Variants in DHX15 observed in about 807,000 individuals in gnomAD.
The protein encoded by DHX15 is DEAH-box helicase 15.
DHX15 carries 11 observed loss-of-function variants against 94.4 expected under a neutral mutation model. The observed-to-expected ratio is 0.12, with a 90% CI of 0.07 to 0.19. The LOEUF (loss-of-function observed/expected upper bound fraction) is 0.19, where lower values mean the gene tolerates loss of function less well. Among genes scored for constraint, DHX15 ranks in the 10% least tolerant of loss-of-function variants. The pLI is 1.00. For missense variants in DHX15, 304 were observed against 988.5 expected, an observed-to-expected ratio of 0.31 and a Z score of 9.29; for synonymous variants, 338 against 329.9, an observed-to-expected ratio of 1.02 and a Z score of -0.27.
intron 4 of DHX15, 33 bp downstream of exon 4, chr4:24,556,218 A>AT (rs987558782): frequency 1.1e-5 from 17 of 1,600,622 alleles, no homozygotes; most frequent in Non-Finnish European, 1.4e-5. Context: ...ATACACACAT[A>AT]TATAGTTAAA....
At chr4:24,575,967 C>A (rs1722257538) in intron 2 of DHX15, among the ~76,000 whole-genome samples, 1 of 152,142 alleles carries the variant, frequency 6.6e-6, no homozygotes, top group Non-Finnish European at 1.5e-5. Flanking sequence ...CTGTGGGTCC[C>A]TAAATCTGTA....
chr4:24,531,387 C>T lies in DHX15; in HGVS notation c.2100+1477G>A, dbSNP rs141029725. The stretch of plus-strand genomic sequence containing the variant: ...ACAGGCGTGAGCCACAGCGCCCGGC[C>T]AGTTTTTTTCTGAAATATAAAAAGC... On this transcript the variant is annotated intron_variant, in intron 12 of 13. Transcript: ENST00000336812. Among the ~76,000 whole-genome samples the T allele has an allele frequency of 1.8e-4, 27 of 152,102 alleles. No individual in the cohort carries two copies. In the East Asian group the frequency reaches 5.3e-3, roughly 30 times the overall value.
intron 4 of DHX15, 40 bp from the exon 5 acceptor site, chr4:24,554,983 GAT>G: frequency 6.6e-7 from 1 of 1,504,580 alleles, no homozygotes; most frequent in East Asian, 2.3e-5. Flanking sequence ...TGTCTTCAAG[GAT>G]TCTTACATGG....
rs749528135 is a variant in DHX15, at chr4:24,537,233, A to T, written c.1787-60T>A. 1.9e-6 allele frequency: 3 copies of T among 1,605,466 alleles called. No individual in the cohort carries two copies. The highest frequency in any genetic ancestry group is 2.2e-5 in the South Asian group (2 of 89,990). ...CCATATCGATGAGTCACGCATTCAC[A>T]GATAGAGGAACAAGGCCTAGCTAGG... On this transcript the variant is annotated intron_variant, in intron 10 of 13. Coordinates refer to ENST00000336812, the MANE Select transcript of DHX15 (RefSeq NM_001358.3). The surrounding 1 kb of genome is among the most constrained non-coding windows in gnomAD (Gnocchi z 4.7).
chr4:24,531,791 T>A (rs1457862413), intron 12 of DHX15, among the ~76,000 whole-genome samples: 1 of 152,082 alleles, frequency 6.6e-6, no homozygotes, highest in Non-Finnish European at 1.5e-5. Context: ...ATATTAAGAA[T>A]ATAGTTAAGA....
intron 9 of DHX15, 52 bp downstream of exon 9, chr4:24,540,784 CTAAG>C: frequency 1.0e-6 from 1 of 991,306 alleles, no homozygotes; most frequent in African/African-American, 1.6e-5. Context: ...GAGAAAAACA[CTAAG>C]AGTCAATTTT....
rs1161502936 is a variant in DHX15, at chr4:24,572,136, TTTTG to T, written c.508-1293_508-1290del. On this transcript the variant is annotated intron_variant, in intron 2 of 13. Transcript: ENST00000336812. ...TTCTCAAGGCAAGAATGTTCAGATCTTTTGTTTTTTTGTTTGTTTTTTGAGATGG... is the reference window on the plus strand; with the variant it reads ...TTCTCAAGGCAAGAATGTTCAGATCTTTTTTTTGTTTGTTTTTTGAGATGG... Among the ~76,000 whole-genome samples the T allele has an allele frequency of 2.0e-5, 3 of 152,182 alleles. No homozygotes were observed. In the East Asian group the frequency reaches 5.8e-4, roughly 29 times the overall value.
At chr4:24,584,076 A>G (rs923246239) in intron 1 of DHX15, 36 of 516,518 alleles carry the variant, frequency 7.0e-5, no homozygotes, top group Non-Finnish European at 1.0e-5. Flanking sequence ...AGGCGCCCTC[A>G]TGGCTACTGC....
At chr4:24,531,090 ATTT>A (rs368953985) in intron 12 of DHX15, among the ~76,000 whole-genome samples, 4 of 142,940 alleles carry the variant, frequency 2.8e-5, no homozygotes, top group Non-Finnish European at 4.6e-5. Context: ...AGTTTCATCA[ATTT>A]TTTTTTTTTT....
intron 3 of DHX15, among the ~76,000 whole-genome samples, chr4:24,560,276 T>C (rs1721840981): frequency 6.6e-6 from 1 of 151,812 alleles, no homozygotes. Context: ...AAACTAAGCC[T>C]AAGAAAGGCA....
At position 24,527,893 on chromosome 4, in the gene DHX15, C is replaced by T; in HGVS notation, c.*31G>A. 6.7e-7 allele frequency: 1 copy of T among 1,494,920 alleles called. No individual in the cohort carries two copies. The highest frequency in any genetic ancestry group is 2.3e-5 in the East Asian group (1 of 44,242). The allele number at this position is 1,494,920 out of a possible 1,614,324, so 92.6% of individuals were successfully genotyped here. ...AGTTCATTCATCTTTTAAAGCTGTC[C>T]TCTCAATAACTTCAGTTCTAAGCAC... On this transcript the variant is annotated 3_prime_UTR_variant, in exon 14 of 14. Coordinates refer to ENST00000336812, the MANE Select transcript of DHX15 (RefSeq NM_001358.3).
At chr4:24,570,547 T>C (rs543884781) in intron 3 of DHX15, 107 bp downstream of exon 3, 2 of 941,490 alleles carry the variant, frequency 2.1e-6, no homozygotes, top group Non-Finnish European at 3.2e-6. Context: ...CTACTTTGGA[T>C]AATTCTAAAT....
intron 3 of DHX15, among the ~76,000 whole-genome samples, chr4:24,557,892 T>A (rs1456481567): frequency 1.3e-5 from 2 of 151,672 alleles, no homozygotes; most frequent in African/African-American, 4.8e-5. Flanking sequence ...TTGTACATGA[T>A]CTCAGTAGCA....
chr4:24,567,717 C>T (rs1458175938), intron 3 of DHX15, among the ~76,000 whole-genome samples: 1 of 152,134 alleles, frequency 6.6e-6, no homozygotes, highest in Non-Finnish European at 1.5e-5. Context: ...GTCACAAATA[C>T]AGCAATATAT....
intron 5 of DHX15, among the ~76,000 whole-genome samples, chr4:24,551,575 T>C (rs2109404509): frequency 6.6e-6 from 1 of 152,190 alleles, no homozygotes; most frequent in East Asian, 1.9e-4. Context: ...TAAAAGAAAA[T>C]GAAAGTAGAT....
At chr4:24,570,551 T>C in intron 3 of DHX15, 103 bp downstream of exon 3, 1 of 1,001,570 alleles carries the variant, frequency 1.0e-6, no homozygotes, top group Non-Finnish European at 1.5e-6. Context: ...TTTGGATAAT[T>C]CTAAATTTGG....
chr4:24,581,246 T>C (rs1309653747), intron 1 of DHX15, among the ~76,000 whole-genome samples: 1 of 152,068 alleles, frequency 6.6e-6, no homozygotes, highest in East Asian at 1.9e-4. Flanking sequence ...GCCAGGATGG[T>C]CTTGATCTCC....
intron 3 of DHX15, among the ~76,000 whole-genome samples, chr4:24,557,891 A>G (rs953105295): frequency 2.6e-5 from 4 of 151,646 alleles, no homozygotes; most frequent in African/African-American, 9.7e-5. Context: ...CTTGTACATG[A>G]TCTCAGTAGC....
chr4:24,531,590 T>C (rs1407650592), intron 12 of DHX15, among the ~76,000 whole-genome samples: 2 of 151,904 alleles, frequency 1.3e-5, no homozygotes, highest in Non-Finnish European at 2.9e-5. Flanking sequence ...TAGTGGTGCG[T>C]GCCTGTAGTC....
Sources: allele counts gnomAD v4.1 joint callset (sites outside exome capture counted in the v4.1 genomes callset), GRCh38; gene constraint gnomAD v4.1.1; non-coding constraint Gnocchi (gnomAD v3.1); transcripts MANE v1.5; gene names NCBI Gene and HGNC (gene_info 2026-07-23, HGNC 2026-07-21).